DCBLD1: variants seen among roughly 807,000 people sequenced by gnomAD.
DCBLD1 encodes discoidin, CUB and LCCL domain containing 1, also known as discoidin, CUB and LCCL domain-containing protein 1.
In DCBLD1, 57 loss-of-function variants were observed where a neutral mutation model predicts 71.5. That is an observed-to-expected ratio of 0.80 (90% CI 0.64 to 0.99). The LOEUF (loss-of-function observed/expected upper bound fraction) is 0.99, where lower values mean the gene tolerates loss of function less well. Ranked by LOEUF, DCBLD1 falls within the 50% of genes least tolerant of loss-of-function variation. The pLI is 0.00. For synonymous variants in DCBLD1, 380 were observed against 363.8 expected, an observed-to-expected ratio of 1.04 and a Z score of -0.51; for missense variants, 891 against 923.5, an observed-to-expected ratio of 0.96 and a Z score of 0.46.
intron 1 of DCBLD1, among the ~76,000 whole-genome samples, chr6:117,502,993 G>T (rs548946236): frequency 1.3e-5 from 2 of 152,126 alleles, no homozygotes; most frequent in African/African-American, 4.8e-5. Context: ...TCTCTCCTTT[G>T]CATTTTGTTT....
intron 14 of DCBLD1, among the ~76,000 whole-genome samples, chr6:117,563,556 T>C (rs1280072271): frequency 6.6e-6 from 1 of 152,080 alleles, no homozygotes; most frequent in East Asian, 1.9e-4. Context: ...ACCCCGTCTC[T>C]ATTAAAAATA....
chr6:117,520,246 TA>T (rs1296512260), intron 3 of DCBLD1, among the ~76,000 whole-genome samples: 26 of 152,354 alleles, frequency 1.7e-4, no homozygotes, highest in Admixed American at 1.6e-3. Context: ...AAAAAATTTT[TA>T]TAATTATGTT....
At chr6:117,537,480 G>A (rs1270528601) in intron 7 of DCBLD1, among the ~76,000 whole-genome samples, 2 of 150,772 alleles carry the variant, frequency 1.3e-5, no homozygotes, top group Non-Finnish European at 2.9e-5. Flanking sequence ...CTTGCAGTGA[G>A]CTGAGATTGC....
chr6:117,548,072 C>A lies in DCBLD1; in HGVS notation c.1781C>A (p.Ala594Glu), dbSNP rs1433833768. 9.7e-6 allele frequency: 15 copies of A among 1,548,730 alleles called. No homozygotes were observed. The African/African-American group carries it at 2.1e-4, about 21-fold the overall frequency. Residue 594 changes from alanine (A) to glutamate (E), a missense_variant, in exon 15 of 15, where the codon GCG (alanine) becomes GAG (glutamate). Ala to Glu is a moderately radical substitution (Grantham distance 107). Coordinates refer to ENST00000338728, the MANE Select transcript of DCBLD1 (RefSeq NM_001366458.2). ...AGRHEYALPL[A>E]PPEPEYATPI... ...CGCCACGAGTACGCGCTGCCCCTGGCGCCCCCGGAGCCCGAGTACGCCACG... is the reference window on the plus strand; with the variant it reads ...CGCCACGAGTACGCGCTGCCCCTGGAGCCCCCGGAGCCCGAGTACGCCACG...
intron 1 of DCBLD1, among the ~76,000 whole-genome samples, chr6:117,501,079 A>G (rs1431121433): frequency 6.6e-6 from 1 of 152,154 alleles, no homozygotes; most frequent in Non-Finnish European, 1.5e-5. Context: ...ATATTTGATC[A>G]GGAGATTTTT....
chr6:117,491,099 T>C (rs1204351518), intron 1 of DCBLD1, among the ~76,000 whole-genome samples: 1 of 152,222 alleles, frequency 6.6e-6, no homozygotes, highest in African/African-American at 2.4e-5. Context: ...GCCTAACTTT[T>C]AAATGGCTGA....
intron 1 of DCBLD1, among the ~76,000 whole-genome samples, chr6:117,499,407 A>G (rs888883557): frequency 2.0e-5 from 3 of 151,018 alleles, no homozygotes; most frequent in African/African-American, 7.4e-5. Context: ...ACCGTCTCAA[A>G]AAGAAAAAGA....
At chr6:117,513,712 C>T (rs910432217) in intron 2 of DCBLD1, among the ~76,000 whole-genome samples, 2 of 152,152 alleles carry the variant, frequency 1.3e-5, no homozygotes, top group Non-Finnish European at 2.9e-5. Flanking sequence ...ACTGTGCATC[C>T]TATTTTTAGG....
At chr6:117,550,966 A>G (rs1338266868), downstream of DCBLD1, among the ~76,000 whole-genome samples, 1 of 152,128 alleles carries the variant, frequency 6.6e-6, no homozygotes, top group African/African-American at 2.4e-5. Flanking sequence ...AAACACCCCA[A>G]CCTGCAAGTA....
At chr6:117,558,882 AC>A (rs1328159399) in intron 14 of DCBLD1, among the ~76,000 whole-genome samples, 1 of 152,216 alleles carries the variant, frequency 6.6e-6, no homozygotes, top group Non-Finnish European at 1.5e-5. Context: ...CACTTCAGGC[AC>A]AGTAAACCGC....
At chr6:117,506,469 G>A (rs1344743388) in intron 2 of DCBLD1, among the ~76,000 whole-genome samples, 1 of 152,188 alleles carries the variant, frequency 6.6e-6, no homozygotes, top group Non-Finnish European at 1.5e-5. Flanking sequence ...TTGAGGATGT[G>A]CTTAAGATAA....
At chr6:117,530,906 T>G (rs936701377) in intron 5 of DCBLD1, among the ~76,000 whole-genome samples, 2 of 152,180 alleles carry the variant, frequency 1.3e-5, no homozygotes. Flanking sequence ...TTAATTCTTT[T>G]TTTCCTCCAA....
intron 7 of DCBLD1, 97 bp from the exon 8 acceptor site, chr6:117,538,523 A>T (rs1274574778): frequency 7.9e-6 from 9 of 1,138,168 alleles, no homozygotes; most frequent in Non-Finnish European, 8.9e-6. Flanking sequence ...ATAAAAGTCA[A>T]CTAGTTGAAT....
At chr6:117,499,384 G>A (rs1777576569) in intron 1 of DCBLD1, among the ~76,000 whole-genome samples, 1 of 151,432 alleles carries the variant, frequency 6.6e-6, no homozygotes, top group Non-Finnish European at 1.5e-5. Context: ...TCCAGCCTGG[G>A]TGATGGAATG....
At chr6:117,563,458 A>G in intron 14 of DCBLD1, 1 of 1,429,694 alleles carries the variant, frequency 7.0e-7, no homozygotes, top group Non-Finnish European at 9.7e-7. Flanking sequence ...GCAGTGGCTC[A>G]TACCTGTAAT....
intron 7 of DCBLD1, among the ~76,000 whole-genome samples, chr6:117,537,526 TCC>T (rs1562457125): frequency 7.0e-6 from 1 of 142,702 alleles, no homozygotes; most frequent in Admixed American, 7.1e-5. Flanking sequence ...AGAGCGAGAC[TCC>T]ATCTCAAAAA....
chr6:117,548,554 GC>G lies in DCBLD1; in HGVS notation c.*116del. ...TGTGTATCGGTGTGTGTGTACACTT[GC>G]ATGTGTGTGTGTGATCCAGTAGGAT... On this transcript the variant is annotated 3_prime_UTR_variant, in exon 15 of 15. Coordinates refer to ENST00000338728, the MANE Select transcript of DCBLD1 (RefSeq NM_001366458.2). The G allele has an allele frequency of 6.7e-7, 1 of 1,484,044 alleles. No homozygotes were observed. Among genetic ancestry groups the G allele is most frequent in the African/African-American group, 1.4e-5 (1 of 71,482 alleles). The allele number at this position is 1,484,044 out of a possible 1,614,324, so 91.9% of individuals were successfully genotyped here.
intron 1 of DCBLD1, among the ~76,000 whole-genome samples, chr6:117,493,331 C>T (rs959299515): frequency 3.3e-5 from 5 of 152,148 alleles, no homozygotes; most frequent in Non-Finnish European, 1.5e-5. Context: ...AGAAGTAGCA[C>T]TTTAATACAC....
At chr6:117,490,482 T>A (rs1562427040) in intron 1 of DCBLD1, among the ~76,000 whole-genome samples, 2 of 152,218 alleles carry the variant, frequency 1.3e-5, no homozygotes, top group Non-Finnish European at 2.9e-5. Flanking sequence ...CTCGTCAATG[T>A]TTTTGTTTTA....
Sources: gnomAD v4.1 joint callset for allele counts (sites outside exome capture counted in the v4.1 genomes callset) on GRCh38, gnomAD v4.1.1 for gene constraint, MANE v1.5 for transcripts, NCBI Gene and HGNC (gene_info 2026-07-23, HGNC 2026-07-21) for gene names.